WDR24: variants seen among roughly 807,000 people sequenced by gnomAD.
WDR24 encodes the protein WD repeat domain 24.
Under a neutral mutation model 66.7 loss-of-function variants are expected in WDR24, and 32 were observed. That is an observed-to-expected ratio of 0.48 (90% CI 0.36 to 0.64). WDR24 has a LOEUF of 0.64. Ranked by LOEUF, WDR24 falls within the 30% of genes least tolerant of loss-of-function variation. The probability of loss-of-function intolerance (pLI) is 0.00; values close to 1 mark genes in which losing one functional copy is unlikely to be tolerated. For synonymous variants in WDR24, 565 were observed against 469.1 expected (o/e 1.20, Z -2.64); for missense variants, 978 against 1,144.1 (o/e 0.85, Z 2.09).
At position 690,016 on chromosome 16, in the gene WDR24, C is replaced by CAG. The variant is rs1343945930; in HGVS notation, c.-378_-377dup. ...TCTGGGCAGTCACTAAACGCTCGGT[C>CAG]AGTCAATCCCAGCAGGGGAGCGAGG... On this transcript the variant is annotated 5_prime_UTR_variant, in exon 1 of 9. Transcript: ENST00000293883. The CAG allele has an allele frequency of 1.2e-5, 6 of 494,594 alleles. No individual in the cohort carries two copies. In the East Asian group the frequency reaches 3.5e-4, roughly 28 times the overall value. 30.6% of individuals were successfully genotyped at this position (494,594 alleles called of 1,614,324 possible).
chr16:685,460 AGGCCACATCC>A lies in WDR24; in HGVS notation c.1806_1815del (p.Asp603ProfsTer94). Reference sequence around the variant, plus strand: ...AAGGAGGAGTCCACGGGGGCCAGGGAGGCCACATCCGCCTCGCTGCCGCTCACGTGCGGGG... The same window carrying A: ...AAGGAGGAGTCCACGGGGGCCAGGGAGCCTCGCTGCCGCTCACGTGCGGGG... On this transcript the variant is annotated frameshift_variant, in exon 7 of 9. Transcript: ENST00000293883. LOFTEE classifies it high-confidence loss of function. 4 of 1,604,720 alleles carry A rather than the reference AGGCCACATCC, an allele frequency of 2.5e-6. No homozygotes were observed. The highest frequency in any genetic ancestry group is 3.4e-6 in the Non-Finnish European group (4 of 1,173,502).
At chr16:686,462 C>T (rs2039909017) in intron 3 of WDR24, among the ~76,000 whole-genome samples, 2 of 152,216 alleles carry the variant, frequency 1.3e-5, no homozygotes, top group African/African-American at 4.8e-5. Flanking sequence ...TCCACCGCTG[C>T]TGGTGCCTGG....
In WDR24 at chr16:685,022, G is replaced by A. The variant is rs1424157299; in HGVS notation, c.2174C>T (p.Pro725Leu). The change falls in exon 8 of 9, where the codon CCC (proline) becomes CTC (leucine). Residue 725 changes from proline (P) to leucine (L), a missense_variant. This residue lies in a region of WDR24 where 676 missense variants were observed against 617.5 expected (regional missense o/e 1.09). Transcript: ENST00000293883. ...LHVNCSHCKR[P>L]MSSRGWVCDR... The stretch of plus-strand genomic sequence containing the variant: ...GCAGACCCAGCCCCGGCTGCTCATG[G>A]GCCGCTTGCAGTGGCTGCAGTTGAC... 1 of 1,554,896 alleles carries A rather than the reference G, an allele frequency of 6.4e-7. No individual in the cohort carries two copies. The highest frequency in any genetic ancestry group is 8.7e-7 in the Non-Finnish European group (1 of 1,151,874).
chr16:685,231 G>T (rs764382850), intron 7 of WDR24, 26 bp downstream of exon 7: 50 of 1,594,678 alleles, frequency 3.1e-5, no homozygotes, highest in Non-Finnish European at 3.5e-5. Flanking sequence ...CGGCGCTGCA[G>T]GGGGGAGGCC....
Position 685,728 on chromosome 16 carries a change from C to T in WDR24, c.1629G>A (p.Val543=). The T allele has an allele frequency of 3.1e-6, 5 of 1,613,314 alleles. No individual in the cohort carries two copies. The highest frequency in any genetic ancestry group is 4.2e-6 in the Non-Finnish European group (5 of 1,180,014). Reference sequence around the variant, plus strand: ...GGTACAGCTCGTCCTCCTCACCTTCCACGTCACCCAGCAGGTAGTCGGCAG... The same window carrying T: ...GGTACAGCTCGTCCTCCTCACCTTCTACGTCACCCAGCAGGTAGTCGGCAG... The part of the protein sequence containing the change: ...DVPADYLLGD[V]EGEEDELYLL... The change falls in exon 6 of 9, where the codon GTG becomes GTA. Residue 543 remains valine, a synonymous_variant. Coordinates refer to ENST00000293883, the MANE Select transcript of WDR24 (RefSeq NM_032259.4).
chr16:688,205 C>G (rs926934206), intron 1 of WDR24: 4 of 399,418 alleles, frequency 1.0e-5, no homozygotes, highest in Middle Eastern at 8.3e-4. Context: ...ACTCAGGGCC[C>G]AGGTCCACCC....
rs978279107 is a variant in WDR24, at chr16:684,645, G to A, written c.*89C>T. ...CAGCGGCTCTACTTCCTTTATTGAG[G>A]TCTCAAGTTCCAGCCTCCGCCCGTC... On this transcript the variant is annotated 3_prime_UTR_variant, in exon 9 of 9. Transcript: ENST00000293883. 7.5e-6 allele frequency: 11 copies of A among 1,460,854 alleles called. No homozygotes were observed. The African/African-American group carries it at 1.1e-4, about 15-fold the overall frequency. 90.5% of individuals were successfully genotyped at this position (1,460,854 alleles called of 1,614,324 possible).
Position 685,500 on chromosome 16 carries a change from G to A in WDR24, c.1776C>T (p.Ala592=), listed in dbSNP as rs1194644748. The A allele has an allele frequency of 1.9e-6, 3 of 1,596,260 alleles. No individual in the cohort carries two copies. Among genetic ancestry groups the A allele is most frequent in the Non-Finnish European group, 2.6e-6 (3 of 1,167,982 alleles). Residue 592 remains alanine, a synonymous_variant, in exon 7 of 9, where the codon GCC becomes GCT. Coordinates refer to ENST00000293883, the MANE Select transcript of WDR24 (RefSeq NM_032259.4). ...PPGPEHLQDK[A]DSPHVSGSEA... ...CGCTGCCGCTCACGTGCGGGGAGTCGGCCTTGTCCTGCAGGTGCTCGGGCC... is the reference window on the plus strand; with the variant it reads ...CGCTGCCGCTCACGTGCGGGGAGTCAGCCTTGTCCTGCAGGTGCTCGGGCC...
Position 686,745 on chromosome 16 carries a change from T to C in WDR24, c.1331A>G (p.Gln444Arg). Residue 444 changes from glutamine to arginine, a missense_variant and splice_region_variant, in exon 3 of 9, where the codon CAG becomes CGG. This residue lies in a region of WDR24 where 676 missense variants were observed against 617.5 expected (regional missense o/e 1.09). Transcript: ENST00000293883. ...AKVARELGRN[Q>R]VAQTWTMLRI... Reference sequence around the variant, plus strand: ...CCCCCAGGCTCAGCACCTACCTACCTGGTTGCGGCCAAGCTCTCGAGCCAC... The same window carrying C: ...CCCCCAGGCTCAGCACCTACCTACCCGGTTGCGGCCAAGCTCTCGAGCCAC... 6.3e-7 allele frequency: 1 copy of C among 1,592,070 alleles called. No individual in the cohort carries two copies. The highest frequency in any genetic ancestry group is 8.6e-7 in the Non-Finnish European group (1 of 1,165,898).
chr16:685,217 G>A, intron 7 of WDR24, 40 bp downstream of exon 7: 1 of 1,597,504 alleles, frequency 6.3e-7, no homozygotes, highest in South Asian at 1.1e-5. Flanking sequence ...CTGGGTGCCA[G>A]GGGCGGCGCT....
At position 687,282 on chromosome 16, in the gene WDR24, T is replaced by A; in HGVS notation, c.794A>T (p.His265Leu). 1 of 1,611,418 alleles carries A rather than the reference T, an allele frequency of 6.2e-7. No homozygotes were observed. The highest frequency in any genetic ancestry group is 1.1e-5 in the South Asian group (1 of 91,082). ...CATCATGGAGCACGTGGCCAGGTGGTGGCGGCACTCTGGCCGCCACTTCAC... is the reference window on the plus strand; with the variant it reads ...CATCATGGAGCACGTGGCCAGGTGGAGGCGGCACTCTGGCCGCCACTTCAC... ...ARVKWRPECRHHLATCSMMVD... is the reference protein window; with the variant it reads ...ARVKWRPECRLHLATCSMMVD... The change falls in exon 3 of 9, where the codon CAC becomes CTC. Residue 265 changes from histidine to leucine, a missense_variant. This residue lies in a region of WDR24 where 302 missense variants were observed against 526.6 expected (regional missense o/e 0.57). Coordinates refer to ENST00000293883, the MANE Select transcript of WDR24 (RefSeq NM_032259.4).
At position 684,669 on chromosome 16, in the gene WDR24, T is replaced by C; in HGVS notation, c.*65A>G. Reference sequence around the variant, plus strand: ...GGTCTCAAGTTCCAGCCTCCGCCCGTCTCGGGCACAAGACCAGGCGGGGTT... The same window carrying C: ...GGTCTCAAGTTCCAGCCTCCGCCCGCCTCGGGCACAAGACCAGGCGGGGTT... On this transcript the variant is annotated 3_prime_UTR_variant, in exon 9 of 9. Coordinates refer to ENST00000293883, the MANE Select transcript of WDR24 (RefSeq NM_032259.4). 6.7e-7 allele frequency: 1 copy of C among 1,490,458 alleles called. No homozygotes were observed. The highest frequency in any genetic ancestry group is 8.9e-7 in the Non-Finnish European group (1 of 1,121,768). The allele number at this position is 1,490,458 out of a possible 1,614,324, so 92.3% of individuals were successfully genotyped here.
intron 1 of WDR24, among the ~76,000 whole-genome samples, chr16:688,449 A>G (rs2039934006): frequency 6.6e-6 from 1 of 152,186 alleles, no homozygotes; most frequent in East Asian, 1.9e-4. Flanking sequence ...CACTGCGCCC[A>G]GCTAATTTTT....
rs767920180 is a variant in WDR24, at chr16:685,885, T to A, written c.1557A>T (p.Thr519=). 1.9e-6 allele frequency: 3 copies of A among 1,612,164 alleles called. No individual in the cohort carries two copies. Among genetic ancestry groups the A allele is most frequent in the Non-Finnish European group, 2.5e-6 (3 of 1,179,822 alleles). The change falls in exon 5 of 9, where the codon ACA becomes ACT. Residue 519 remains threonine, a synonymous_variant. Transcript: ENST00000293883. ...SDTVLLDSSA[T]LITNEDNEET... is the part of the protein sequence containing the mutation. ...CCAGCCTACCCTCATTGGTGATGAG[T>A]GTGGCCGAGGAGTCGAGCAGAACTG...
rs150311817 is a variant in WDR24, at chr16:685,350, G to C, written c.1926C>G (p.His642Gln). The C allele has an allele frequency of 4.2e-4, 676 of 1,611,146 alleles. 2 individuals carry two copies. In the African/African-American group the frequency reaches 7.6e-3, roughly 18 times the overall value. ...GCACGTCGCCCTGCTCAGCGTAGAA[G>C]TGCAGCATGTCGCGCACCAGCACGC... is the stretch of plus-strand genomic sequence containing the variant. Reference protein sequence around the residue: ...FFGVLVRDMLHFYAEQGDVQM... With the variant: ...FFGVLVRDMLQFYAEQGDVQM... Residue 642 changes from histidine (H) to glutamine (Q), a missense_variant, in exon 7 of 9, where the codon CAC becomes CAG. By Grantham distance (24) the His-to-Gln change is conservative (BLOSUM62 0). This residue lies in a region of WDR24 where 676 missense variants were observed against 617.5 expected (regional missense o/e 1.09). Transcript: ENST00000293883.
Position 690,316 on chromosome 16 carries a change from C to T in WDR24, c.-676G>A. The T allele has an allele frequency of 2.2e-6, 1 of 453,862 alleles. No individual in the cohort carries two copies. Among genetic ancestry groups the T allele is most frequent in the Non-Finnish European group, 4.4e-6 (1 of 225,402 alleles). 28.1% of individuals were successfully genotyped at this position (453,862 alleles called of 1,614,324 possible). On this transcript the variant is annotated 5_prime_UTR_variant, in exon 1 of 9. Coordinates refer to ENST00000293883, the MANE Select transcript of WDR24 (RefSeq NM_032259.4). ...ACGCTGCGGGACGAGAACCAGAGGG[C>T]CCGGGGCAGCCCTTCTCCCCCGCGC...
At position 686,951 on chromosome 16, in the gene WDR24, G is replaced by C; in HGVS notation, c.1125C>G (p.His375Gln). 1 of 1,601,024 alleles carries C rather than the reference G, an allele frequency of 6.2e-7. No homozygotes were observed. The highest frequency in any genetic ancestry group is 8.5e-7 in the Non-Finnish European group (1 of 1,177,084). The change falls in exon 3 of 9, where the codon CAC becomes CAG. Residue 375 changes from histidine (H) to glutamine (Q), a missense_variant. His to Gln is a conservative substitution (Grantham distance 24). Transcript: ENST00000293883. ...GRKPYTGDRR[H>Q]PIFFKRKLDP... ...CCAGCTTGCGCTTAAAGAAGATGGG[G>C]TGGCGCCGGTCGCCAGTGTAGGGCT...
Position 684,660 on chromosome 16 carries a change from C to A in WDR24, c.*74G>T. 2 of 1,478,212 alleles carry A rather than the reference C, an allele frequency of 1.4e-6. No homozygotes were observed. Among genetic ancestry groups the A allele is most frequent in the Admixed American group, 2.3e-5 (1 of 43,220 alleles). 91.6% of individuals were successfully genotyped at this position (1,478,212 alleles called of 1,614,324 possible). On this transcript the variant is annotated 3_prime_UTR_variant, in exon 9 of 9. Coordinates refer to ENST00000293883, the MANE Select transcript of WDR24 (RefSeq NM_032259.4). Reference sequence around the variant, plus strand: ...CTTTATTGAGGTCTCAAGTTCCAGCCTCCGCCCGTCTCGGGCACAAGACCA... The same window carrying A: ...CTTTATTGAGGTCTCAAGTTCCAGCATCCGCCCGTCTCGGGCACAAGACCA...
rs139828099 is a variant in WDR24, at chr16:688,064, C to T, written c.482-325G>A. 2.1e-3 allele frequency: 1,070 copies of T among 513,188 alleles called. 12 individuals carry two copies. The highest frequency in any genetic ancestry group is 0.018 in the African/African-American group (934 of 52,468). The allele number at this position is 513,188 out of a possible 1,614,324, so 31.8% of individuals were successfully genotyped here. A position where few individuals can be genotyped will look rare whatever the true frequency, so the allele number is the denominator to read the frequency against. On this transcript the variant is annotated intron_variant, in intron 1 of 8. Transcript: ENST00000293883. Reference sequence around the variant, plus strand: ...CAGCTGAGCACTGGGAGAATAGGAACGCACCCAGCCATCGCCCACTCCCGT... The same window carrying T: ...CAGCTGAGCACTGGGAGAATAGGAATGCACCCAGCCATCGCCCACTCCCGT...
Sources: allele counts gnomAD v4.1 joint callset (sites outside exome capture counted in the v4.1 genomes callset), GRCh38; gene constraint gnomAD v4.1.1; regional missense constraint gnomAD v4.1.1; transcripts MANE v1.5; gene names NCBI Gene and HGNC (gene_info 2026-07-23, HGNC 2026-07-21).